Variants in OLFM3 observed in about 807,000 individuals in gnomAD.
The protein encoded by OLFM3 is noelin-3.
Under a neutral mutation model 48.6 loss-of-function variants are expected in OLFM3, and 20 were observed. The ratio of observed to expected loss-of-function variants is 0.41; its 90% CI spans 0.29 to 0.60. The LOEUF is 0.60. Among genes scored for constraint, OLFM3 ranks in the 20% least tolerant of loss-of-function variants. The probability of loss-of-function intolerance (pLI) is 0.28; values close to 1 mark genes in which losing one functional copy is unlikely to be tolerated. For synonymous variants in OLFM3, 222 were observed against 198.1 expected, an observed-to-expected ratio of 1.12 and a Z score of -1.01; for missense variants, 437 against 544.3, an observed-to-expected ratio of 0.80 and a Z score of 1.96.
chr1:101,892,811 C>A (rs1425349415), intron 1 of OLFM3, among the ~76,000 whole-genome samples: 1 of 152,068 alleles, frequency 6.6e-6, no homozygotes, highest in Non-Finnish European at 1.5e-5. Context: ...CAAACAGGCT[C>A]TTTCCAAAAG....
At chr1:101,876,593 T>C (rs533663113) in intron 1 of OLFM3, among the ~76,000 whole-genome samples, 29 of 151,962 alleles carry the variant, frequency 1.9e-4, no homozygotes, top group Non-Finnish European at 3.7e-4. Context: ...CTGACCAAAA[T>C]AAGAGATAAA....
intron 1 of OLFM3, among the ~76,000 whole-genome samples, chr1:101,861,827 A>G (rs754489960): frequency 3.9e-5 from 6 of 152,214 alleles, no homozygotes; most frequent in Admixed American, 2.0e-4. Context: ...AGAGATTATA[A>G]TATCTACTGA....
At chr1:101,858,053 C>T (rs941757939) in intron 1 of OLFM3, among the ~76,000 whole-genome samples, 1 of 152,054 alleles carries the variant, frequency 6.6e-6, no homozygotes, top group African/African-American at 2.4e-5. Context: ...GATCTTAAAA[C>T]TGGAAACTCC....
At chr1:101,981,919 G>C (rs1471493675) in intron 1 of OLFM3, among the ~76,000 whole-genome samples, 1 of 151,952 alleles carries the variant, frequency 6.6e-6, no homozygotes, top group African/African-American at 2.4e-5. Context: ...AGCAGGAAAG[G>C]GAAGAAGGAA....
At chr1:101,884,847 T>C (rs940347495) in intron 1 of OLFM3, among the ~76,000 whole-genome samples, 8 of 151,964 alleles carry the variant, frequency 5.3e-5, no homozygotes, top group African/African-American at 1.7e-4. Flanking sequence ...CGCAACCCCA[T>C]GAGTTCAATA....
At chr1:101,819,251 G>A (rs1397032755) in intron 4 of OLFM3, among the ~76,000 whole-genome samples, 1 of 152,070 alleles carries the variant, frequency 6.6e-6, no homozygotes, top group Non-Finnish European at 1.5e-5. Context: ...GATTAGAATG[G>A]TTAAAGCTTA....
chr1:101,839,159 A>C (rs1160343587), intron 1 of OLFM3, among the ~76,000 whole-genome samples: 3 of 152,208 alleles, frequency 2.0e-5, no homozygotes, highest in African/African-American at 7.2e-5. Context: ...TCCTTTAAAA[A>C]AATTAATTCA....
chr1:101,987,257 C>T (rs1450652082), intron 1 of OLFM3, among the ~76,000 whole-genome samples: 3 of 152,180 alleles, frequency 2.0e-5, no homozygotes, highest in Non-Finnish European at 4.4e-5. Flanking sequence ...CAATAGCTAT[C>T]TCTTCAGCGT....
At chr1:101,844,882 TC>T in intron 1 of OLFM3, among the ~76,000 whole-genome samples, 1 of 152,306 alleles carries the variant, frequency 6.6e-6, no homozygotes, top group East Asian at 1.9e-4. Context: ...TAAGATCCTT[TC>T]CACCTTTCTA....
intron 1 of OLFM3, among the ~76,000 whole-genome samples, chr1:101,926,124 T>C (rs1167497576): frequency 6.6e-6 from 1 of 152,178 alleles, no homozygotes. Flanking sequence ...AATAGTCCAG[T>C]GTTTGAAGCC....
intron 1 of OLFM3, among the ~76,000 whole-genome samples, chr1:101,921,023 T>C (rs1390673800): frequency 6.6e-6 from 1 of 152,186 alleles, no homozygotes; most frequent in Non-Finnish European, 1.5e-5. Flanking sequence ...ACCTTCTCCA[T>C]AAGCCCAAAT....
intron 1 of OLFM3, among the ~76,000 whole-genome samples, chr1:101,877,637 C>T (rs1441312812): frequency 6.6e-6 from 1 of 150,470 alleles, no homozygotes; most frequent in Non-Finnish European, 1.5e-5. Flanking sequence ...CTACTTTGGG[C>T]TTTTAGTGTT....
At chr1:101,946,629 T>C (rs1659971971) in intron 1 of OLFM3, among the ~76,000 whole-genome samples, 1 of 152,208 alleles carries the variant, frequency 6.6e-6, no homozygotes, top group Non-Finnish European at 1.5e-5. Context: ...TAGGCATTAA[T>C]GTAACACTGT....
rs1035466565 is a variant in OLFM3 at position 101,940,580 on chromosome 1, C to T, written c.69+56168G>A. Reference sequence around the variant, plus strand: ...CTATCATCTATCTACATTTGTGCTACAGCAAGTCCCAGCTATGATGGAGGC... The same window carrying T: ...CTATCATCTATCTACATTTGTGCTATAGCAAGTCCCAGCTATGATGGAGGC... On this transcript the variant is annotated intron_variant, in intron 1 of 5. Coordinates refer to ENST00000370103, the MANE Select transcript of OLFM3 (RefSeq NM_058170.4). Among the ~76,000 whole-genome samples, 2 of 151,736 alleles carry T rather than the reference C, an allele frequency of 1.3e-5. 1 individual carries two copies. The highest frequency in any genetic ancestry group is 6.8e-3 in the Middle Eastern group (2 of 292).
chr1:101,827,910 G>A lies in OLFM3; in HGVS notation c.373-2665C>T, dbSNP rs138718092. On this transcript the variant is annotated intron_variant, in intron 3 of 5. Transcript: ENST00000370103. ...ATGTCTGGGAGGGACCAGGTGAAAG[G>A]TGATTGTATCATGGGGGTGGTTTCC... Among the ~76,000 whole-genome samples the A allele has an allele frequency of 5.5e-4, 84 of 152,282 alleles. No individual in the cohort carries two copies. The East Asian group carries it at 7.7e-3, about 14-fold the overall frequency.
chr1:101,887,362 T>C (rs1174330149), intron 1 of OLFM3, among the ~76,000 whole-genome samples: 1 of 151,924 alleles, frequency 6.6e-6, no homozygotes, highest in Non-Finnish European at 1.5e-5. Context: ...TAGATATTTA[T>C]AATAAAATGG....
chr1:101,991,016 A>AAAAAAAAAAAAAAATATAT (rs1553186119), intron 1 of OLFM3, among the ~76,000 whole-genome samples: 4 of 32,214 alleles, frequency 1.2e-4, no homozygotes, highest in Admixed American at 4.0e-4. Context: ...AAAAAAAAAA[A>AAAAAAAAAAAAAAATATAT]ATATATATAT....
intron 1 of OLFM3, among the ~76,000 whole-genome samples, chr1:101,936,705 T>C (rs1001249703): frequency 2.4e-4 from 36 of 152,080 alleles, no homozygotes; most frequent in African/African-American, 8.2e-4. Context: ...CAACTTGAAA[T>C]AATACTGCAA....
intron 1 of OLFM3, among the ~76,000 whole-genome samples, chr1:101,934,604 A>G (rs1329505344): frequency 6.6e-6 from 1 of 152,164 alleles, no homozygotes; most frequent in East Asian, 1.9e-4. Flanking sequence ...CCTGAACTTG[A>G]CACTTGACCA....
Sources: gnomAD v4.1 joint callset for allele counts (sites outside exome capture counted in the v4.1 genomes callset) on GRCh38, gnomAD v4.1.1 for gene constraint, MANE v1.5 for transcripts, NCBI Gene and HGNC (gene_info 2026-07-23, HGNC 2026-07-21) for gene names.